The following CBLB variants were observed in gnomAD, a reference collection of about 807,000 sequenced individuals.
CBLB encodes E3 ubiquitin-protein ligase CBL-B.
A neutral mutation model predicts 104.9 loss-of-function variants in CBLB; 31 were observed. The ratio of observed to expected loss-of-function variants is 0.30; its 90% CI spans 0.22 to 0.40. CBLB has a LOEUF of 0.40. CBLB is among the 10% of genes least tolerant of loss of function. The pLI is 1.00. For missense variants in CBLB, 1,062 were observed against 1,214.6 expected, an observed-to-expected ratio of 0.87 and a Z score of 1.87; for synonymous variants, 440 against 422.6, an observed-to-expected ratio of 1.04 and a Z score of -0.51.
intron 3 of CBLB, among the ~76,000 whole-genome samples, chr3:105,784,078 T>C (rs1342196305): frequency 6.6e-6 from 1 of 152,230 alleles, no homozygotes; most frequent in Non-Finnish European, 1.5e-5. Context: ...ACAGTATAAA[T>C]ATGACCACTC....
intron 3 of CBLB, among the ~76,000 whole-genome samples, chr3:105,823,329 G>T (rs1257658286): frequency 1.3e-5 from 2 of 152,120 alleles, no homozygotes; most frequent in Non-Finnish European, 2.9e-5. Flanking sequence ...TTCTCTTGGA[G>T]ACCTTCCATC....
chr3:105,822,292 G>T (rs552864537), intron 3 of CBLB, among the ~76,000 whole-genome samples: 1 of 152,152 alleles, frequency 6.6e-6, no homozygotes, highest in Non-Finnish European at 1.5e-5. Flanking sequence ...GAATGTGAAA[G>T]AAATAAAATG....
At chr3:105,705,733 GTTTC>G (rs1404608122) in intron 10 of CBLB, among the ~76,000 whole-genome samples, 1 of 152,154 alleles carries the variant, frequency 6.6e-6, no homozygotes, top group Non-Finnish European at 1.5e-5. Flanking sequence ...TCACTGTTAA[GTTTC>G]TTTTTTTCTC....
rs370598218 is a variant in CBLB at position 105,658,965 on chromosome 3, G to C, written c.*5C>G. The C allele has an allele frequency of 1.3e-4, 206 of 1,613,620 alleles. 1 individual carries two copies. In the African/African-American group the frequency reaches 2.5e-3, roughly 19 times the overall value. On this transcript the variant is annotated 3_prime_UTR_variant, in exon 19 of 19. Transcript: ENST00000394030. Reference sequence around the variant, plus strand: ...TTTCCATTTTGGTGTCTACAGTTCTGGCTGCTATAGATTTAGACGTGGGGA... The same window carrying C: ...TTTCCATTTTGGTGTCTACAGTTCTCGCTGCTATAGATTTAGACGTGGGGA...
intron 9 of CBLB, among the ~76,000 whole-genome samples, chr3:105,732,779 T>C (rs1350672939): frequency 6.6e-6 from 1 of 152,102 alleles, no homozygotes; most frequent in Non-Finnish European, 1.5e-5. Flanking sequence ...CCATCCTTCC[T>C]CAACTCATGC....
rs769939519 is a variant in CBLB, at chr3:105,681,622, C to T, written c.2297-12G>A. ...ATCAAAAACATCTCCTAGAGGATAA[C>T]ACAAAACCTTAATGTATTTTCAGTA... On this transcript the variant is annotated splice_polypyrimidine_tract_variant and intron_variant, in intron 15 of 18. Transcript: ENST00000394030. 2.5e-6 allele frequency: 4 copies of T among 1,613,942 alleles called. No individual in the cohort carries two copies. Among genetic ancestry groups the T allele is most frequent in the Non-Finnish European group, 3.4e-6 (4 of 1,179,982 alleles).
rs2063479100 is a variant in CBLB at position 105,658,325 on chromosome 3, T to C, written c.*645A>G. The C allele has an allele frequency of 1.4e-5, 3 of 221,972 alleles. No individual in the cohort carries two copies. The highest frequency in any genetic ancestry group is 3.7e-4 in the South Asian group (2 of 5,432). 13.8% of individuals were successfully genotyped at this position (221,972 alleles called of 1,614,324 possible). ...ATTGACAAATAAATGCTTTATACAT[T>C]CAGGTTTTTCCCATCTCTCAATAGT... On this transcript the variant is annotated 3_prime_UTR_variant, in exon 19 of 19. Transcript: ENST00000394030.
intron 13 of CBLB, 149 bp from the exon 14 acceptor site, chr3:105,685,615 C>G (rs752725064): frequency 8.1e-5 from 56 of 695,264 alleles, no homozygotes; most frequent in Non-Finnish European, 1.3e-4. Context: ...GTTCTTATAT[C>G]AAATACAAAT....
intron 3 of CBLB, among the ~76,000 whole-genome samples, chr3:105,831,091 C>A (rs2087442004): frequency 6.6e-6 from 1 of 152,138 alleles, no homozygotes; most frequent in African/African-American, 2.4e-5. Context: ...ATACTTCCCC[C>A]AAACCAGACC....
chr3:105,686,710 CTA>C (rs2067053997), intron 13 of CBLB, among the ~76,000 whole-genome samples: 1 of 151,854 alleles, frequency 6.6e-6, no homozygotes, highest in African/African-American at 2.4e-5. Flanking sequence ...CAAAGAAAAA[CTA>C]AGATTTTTCA....
chr3:105,810,362 A>AT (rs2084107921), intron 3 of CBLB, among the ~76,000 whole-genome samples: 2 of 152,108 alleles, frequency 1.3e-5, no homozygotes, highest in South Asian at 2.1e-4. Flanking sequence ...AAATACCTGG[A>AT]TTTTTTGTGT....
intron 3 of CBLB, among the ~76,000 whole-genome samples, chr3:105,828,117 T>C (rs1354871544): frequency 6.6e-6 from 1 of 152,160 alleles, no homozygotes; most frequent in Non-Finnish European, 1.5e-5. Context: ...ATGGTTGAGA[T>C]GACTCATAAC....
chr3:105,687,963 C>T (rs2067212267), intron 13 of CBLB, among the ~76,000 whole-genome samples: 1 of 151,840 alleles, frequency 6.6e-6, no homozygotes, highest in Non-Finnish European at 1.5e-5. Flanking sequence ...GTTTTATTTT[C>T]CTCTACAAAC....
chr3:105,724,657 C>T (rs547773865), intron 9 of CBLB, among the ~76,000 whole-genome samples: 1 of 152,042 alleles, frequency 6.6e-6, no homozygotes, highest in Non-Finnish European at 1.5e-5. Flanking sequence ...ACTCGTATCT[C>T]TATACGAATT....
chr3:105,665,404 A>ATATATAT (rs1559733767), intron 18 of CBLB, among the ~76,000 whole-genome samples: 11 of 62,470 alleles, frequency 1.8e-4, no homozygotes, highest in East Asian at 8.7e-4. Flanking sequence ...TAAATAAATA[A>ATATATAT]ATAAATAAAT....
chr3:105,744,303 A>G (rs1429945034), intron 6 of CBLB, among the ~76,000 whole-genome samples: 1 of 152,216 alleles, frequency 6.6e-6, no homozygotes, highest in Non-Finnish European at 1.5e-5. Flanking sequence ...CACATTTTTC[A>G]CATCATACGC....
chr3:105,824,070 T>C (rs2086243025), intron 3 of CBLB: 1 of 152,252 alleles, frequency 6.6e-6, no homozygotes. Context: ...TTCCTAACTT[T>C]GGTCCCCATC....
intron 2 of CBLB, 110 bp from the exon 3 acceptor site, chr3:105,853,774 G>T: frequency 1.3e-6 from 1 of 741,326 alleles, no homozygotes; most frequent in Non-Finnish European, 2.2e-6. Flanking sequence ...TATAAATAAT[G>T]ATCTTAACTT....
At chr3:105,733,661 TG>T (rs1221101147) in intron 9 of CBLB, among the ~76,000 whole-genome samples, 5 of 152,208 alleles carry the variant, frequency 3.3e-5, no homozygotes, top group African/African-American at 1.2e-4. Context: ...TTATCTACTA[TG>T]GTTTACTTGG....
Sources: gnomAD v4.1 joint callset for allele counts (sites outside exome capture counted in the v4.1 genomes callset) on GRCh38, gnomAD v4.1.1 for gene constraint, MANE v1.5 for transcripts, NCBI Gene and HGNC (gene_info 2026-07-23, HGNC 2026-07-21) for gene names.